Variants in PCSK2 observed in about 807,000 individuals in gnomAD.
PCSK2 encodes neuroendocrine convertase 2.
Under a neutral mutation model 69.7 loss-of-function variants are expected in PCSK2, and 14 were observed. The ratio of observed to expected loss-of-function variants is 0.20; its 90% CI spans 0.13 to 0.31. PCSK2 has a LOEUF of 0.31. Ranked by LOEUF, PCSK2 falls within the 10% of genes least tolerant of loss-of-function variation. The probability of loss-of-function intolerance (pLI) is 1.00; values close to 1 mark genes in which losing one functional copy is unlikely to be tolerated. For missense variants in PCSK2, 544 were observed against 842.5 expected (o/e 0.65, Z 4.39); for synonymous variants, 307 against 320.7 (o/e 0.96, Z 0.46).
chr20:17,230,153 T>C (rs1986094168), intron 1 of PCSK2, among the ~76,000 whole-genome samples: 1 of 152,216 alleles, frequency 6.6e-6, no homozygotes, highest in Admixed American at 6.5e-5. Flanking sequence ...TTTGTTATTG[T>C]GCATCTTAGA....
intron 1 of PCSK2, among the ~76,000 whole-genome samples, chr20:17,233,134 T>G (rs985697387): frequency 3.3e-5 from 5 of 151,944 alleles, no homozygotes; most frequent in African/African-American, 9.7e-5. Flanking sequence ...CTGAAGAAAA[T>G]GAGGAACAAT....
chr20:17,236,916 G>A lies in PCSK2; in HGVS notation c.177+9434G>A, dbSNP rs528476661. 3.3e-5 allele frequency among the ~76,000 whole-genome samples: 5 copies of A among 152,230 alleles called. No individual in the cohort carries two copies. The South Asian group carries it at 1.0e-3, about 32-fold the overall frequency. ...AGAGGGAAGGAAGAGGTGTTAGGAT[G>A]GGGGCTTCAAGGAGATGGAAGTTCA... is the stretch of plus-strand genomic sequence containing the variant. On this transcript the variant is annotated intron_variant, in intron 1 of 11. Transcript: ENST00000262545.
chr20:17,381,767 T>G (rs910191153), intron 5 of PCSK2, among the ~76,000 whole-genome samples: 44 of 152,298 alleles, frequency 2.9e-4, no homozygotes, highest in Middle Eastern at 3.4e-3. Context: ...CCTCCCTTTT[T>G]TTCTCCACAA....
intron 1 of PCSK2, among the ~76,000 whole-genome samples, chr20:17,257,326 T>G (rs532857583): frequency 6.6e-6 from 1 of 152,288 alleles, no homozygotes; most frequent in East Asian, 1.9e-4. Context: ...TGTTGGTGGT[T>G]AGTGTAAATT....
chr20:17,409,927 A>G (rs2123303942), intron 6 of PCSK2, among the ~76,000 whole-genome samples: 1 of 152,316 alleles, frequency 6.6e-6, no homozygotes, highest in East Asian at 1.9e-4. Flanking sequence ...TTTTTTCTTC[A>G]AGTAAACATT....
intron 2 of PCSK2, among the ~76,000 whole-genome samples, chr20:17,277,720 G>A (rs1377810246): frequency 1.3e-5 from 2 of 150,980 alleles, no homozygotes; most frequent in Admixed American, 6.6e-5. Flanking sequence ...TTGACAAATG[G>A]GATCTAATTA....
At chr20:17,326,283 C>A (rs982367288) in intron 2 of PCSK2, among the ~76,000 whole-genome samples, 4 of 152,128 alleles carry the variant, frequency 2.6e-5, no homozygotes, top group African/African-American at 9.7e-5. Flanking sequence ...TGTTGTATGC[C>A]TTTGAAAAGC....
intron 2 of PCSK2, among the ~76,000 whole-genome samples, chr20:17,343,041 T>TA (rs971652148): frequency 1.3e-5 from 2 of 152,138 alleles, no homozygotes; most frequent in African/African-American, 4.8e-5. Context: ...ACAGAAAGCT[T>TA]AAAAAACTTG....
intron 2 of PCSK2, among the ~76,000 whole-genome samples, chr20:17,351,837 A>G (rs895051044): frequency 6.6e-6 from 1 of 152,208 alleles, no homozygotes; most frequent in Admixed American, 6.5e-5. Context: ...TAGTACTGGA[A>G]GTCCCAGCCA....
chr20:17,406,334 C>G (rs2031749762), intron 5 of PCSK2, among the ~76,000 whole-genome samples: 1 of 152,216 alleles, frequency 6.6e-6, no homozygotes, highest in South Asian at 2.1e-4. Context: ...AGAAAACATA[C>G]AGCCAAACAA....
At chr20:17,440,269 T>A (rs1474034378) in intron 8 of PCSK2, among the ~76,000 whole-genome samples, 1 of 152,172 alleles carries the variant, frequency 6.6e-6, no homozygotes, top group African/African-American at 2.4e-5. Flanking sequence ...CTCCCACAGA[T>A]GCCGCATTTT....
chr20:17,378,901 T>G (rs990563166), intron 5 of PCSK2, among the ~76,000 whole-genome samples: 11 of 152,238 alleles, frequency 7.2e-5, no homozygotes, highest in Admixed American at 3.3e-4. Context: ...TTCTTTGTCT[T>G]CATTATCGGT....
intron 2 of PCSK2, among the ~76,000 whole-genome samples, chr20:17,354,162 T>A (rs939804228): frequency 2.6e-5 from 4 of 152,216 alleles, no homozygotes; most frequent in African/African-American, 9.6e-5. Flanking sequence ...AAAATTTTTT[T>A]AAATGTTTAA....
intron 1 of PCSK2, among the ~76,000 whole-genome samples, chr20:17,245,746 T>C (rs987773378): frequency 1.3e-5 from 2 of 152,044 alleles, no homozygotes; most frequent in African/African-American, 2.4e-5. Flanking sequence ...CTTAGCAGAG[T>C]CCTAGACAGC....
chr20:17,456,242 AAATAAATG>A, intron 9 of PCSK2, 98 bp from the exon 10 acceptor site: 1 of 687,588 alleles, frequency 1.5e-6, no homozygotes, highest in Non-Finnish European at 2.6e-6. Context: ...CTGTCTCAAT[AAATAAATG>A]AATAAATAAA....
intron 2 of PCSK2, among the ~76,000 whole-genome samples, chr20:17,279,596 C>T (rs1239857724): frequency 6.6e-6 from 1 of 151,768 alleles, no homozygotes; most frequent in East Asian, 1.9e-4. Flanking sequence ...ACCTGAGGTC[C>T]AGAGTTCGAG....
intron 2 of PCSK2, among the ~76,000 whole-genome samples, chr20:17,353,315 A>T (rs1341249261): frequency 6.6e-6 from 1 of 152,050 alleles, no homozygotes. Flanking sequence ...ACAAAAAAAA[A>T]TTAGCTGGGC....
At position 17,453,795 on chromosome 20, in the gene PCSK2, C is replaced by T. The variant is rs2032870729; in HGVS notation, c.939C>T (p.Ser313=). The T allele has an allele frequency of 1.2e-6, 2 of 1,613,970 alleles. No homozygotes were observed. Among genetic ancestry groups the T allele is most frequent in the Non-Finnish European group, 1.7e-6 (2 of 1,179,976 alleles). ...TGTGGGCCTCCGGGGACGGCGGCAG[C>T]TATGACGACTGCAACTGCGACGGCT... is the stretch of plus-strand genomic sequence containing the variant. The part of the protein sequence containing the change: ...IYVWASGDGG[S]YDDCNCDGYA... The change falls in exon 9 of 12, where the codon AGC becomes AGT. Residue 313 remains serine, a synonymous_variant. Transcript: ENST00000262545. The surrounding 1 kb of genome is among the most constrained non-coding windows in gnomAD (Gnocchi z 4.0).
intron 6 of PCSK2, among the ~76,000 whole-genome samples, chr20:17,421,807 T>TAAAAAAAA (rs56376793): frequency 1.6e-3 from 123 of 78,966 alleles, no homozygotes; most frequent in African/African-American, 2.4e-3. Flanking sequence ...GGAAGAGAGG[T>TAAAAAAAA]AAAAAAAAAA....
Sources: allele counts gnomAD v4.1 joint callset (sites outside exome capture counted in the v4.1 genomes callset), GRCh38; gene constraint gnomAD v4.1.1; non-coding constraint Gnocchi (gnomAD v3.1); transcripts MANE v1.5; gene names NCBI Gene and HGNC (gene_info 2026-07-23, HGNC 2026-07-21).